Variants in UBE2E3 observed in about 807,000 individuals in gnomAD.
The protein encoded by UBE2E3 is ubiquitin conjugating enzyme E2 E3.
A neutral mutation model predicts 23.6 loss-of-function variants in UBE2E3; 5 were observed. The observed-to-expected ratio is 0.21, with a 90% confidence interval of 0.11 to 0.44. UBE2E3 has a LOEUF of 0.44. Ranked by LOEUF, UBE2E3 falls within the 20% of genes least tolerant of loss-of-function variation. UBE2E3 has a pLI of 0.99. For missense variants in UBE2E3, 81 were observed against 249.8 expected (o/e 0.32, Z 4.55); for synonymous variants, 78 against 87.5 (o/e 0.89, Z 0.60).
At chr2:181,061,863 T>C (rs1459216057) in intron 5 of UBE2E3, among the ~76,000 whole-genome samples, 2 of 151,580 alleles carry the variant, frequency 1.3e-5, no homozygotes, top group Non-Finnish European at 3.0e-5. Flanking sequence ...TCGGCAGAGA[T>C]ACATATGCAA....
chr2:181,061,017 A>G (rs1406787641), intron 5 of UBE2E3, among the ~76,000 whole-genome samples: 1 of 151,474 alleles, frequency 6.6e-6, no homozygotes, highest in East Asian at 2.0e-4. Context: ...ACCTTCATTT[A>G]ATTTGTTAAT....
chr2:181,053,564 T>C (rs1189087037), intron 3 of UBE2E3, among the ~76,000 whole-genome samples: 1 of 149,062 alleles, frequency 6.7e-6, no homozygotes, highest in East Asian at 2.0e-4. Context: ...TGGGCAGTTT[T>C]AGGTTCATAG....
At chr2:181,032,103 T>C (rs768044840) in intron 3 of UBE2E3, among the ~76,000 whole-genome samples, 2 of 152,210 alleles carry the variant, frequency 1.3e-5, no homozygotes, top group Non-Finnish European at 2.9e-5. Flanking sequence ...TTTCATTCCC[T>C]GAAGAAGCAA....
chr2:181,020,613 A>G (rs1055386752), intron 3 of UBE2E3, among the ~76,000 whole-genome samples: 2 of 152,160 alleles, frequency 1.3e-5, no homozygotes, highest in East Asian at 1.9e-4. Flanking sequence ...CGACTTTTCC[A>G]TCTGCTGAGC....
At chr2:181,028,034 G>T (rs1172783759) in intron 3 of UBE2E3, among the ~76,000 whole-genome samples, 1 of 151,936 alleles carries the variant, frequency 6.6e-6, no homozygotes, top group Non-Finnish European at 1.5e-5. Flanking sequence ...TCACCCAGAT[G>T]TGATCATTAT....
intron 5 of UBE2E3, among the ~76,000 whole-genome samples, chr2:181,062,396 A>G (rs1159720656): frequency 1.3e-5 from 2 of 151,692 alleles, no homozygotes; most frequent in African/African-American, 2.4e-5. Flanking sequence ...TTGAAATAGC[A>G]TGGTATTGTA....
At chr2:180,984,022 C>G (rs749782349) in intron 2 of UBE2E3, 21 bp from the exon 3 acceptor site, 69 of 1,601,132 alleles carry the variant, frequency 4.3e-5, no homozygotes, top group Non-Finnish European at 5.8e-5. Context: ...TCCTTTTTGT[C>G]TCTTCTCATT....
chr2:181,044,623 TAA>T (rs1686615320), intron 3 of UBE2E3, among the ~76,000 whole-genome samples: 1 of 152,176 alleles, frequency 6.6e-6, no homozygotes, highest in Non-Finnish European at 1.5e-5. Context: ...ATTTGTGACA[TAA>T]TTCCACTATT....
chr2:180,997,037 A>AT (rs896201675), intron 3 of UBE2E3, among the ~76,000 whole-genome samples: 146 of 147,200 alleles, frequency 9.9e-4, no homozygotes, highest in East Asian at 4.0e-3. Context: ...TTATTAATGA[A>AT]TTTTTTTTTT....
intron 3 of UBE2E3, among the ~76,000 whole-genome samples, chr2:181,042,444 G>T (rs977242535): frequency 6.6e-6 from 1 of 152,152 alleles, no homozygotes; most frequent in Non-Finnish European, 1.5e-5. Flanking sequence ...GTCCCTTTTG[G>T]AATTAGGGAA....
chr2:181,035,078 G>T (rs1574205711), intron 3 of UBE2E3, among the ~76,000 whole-genome samples: 1 of 152,020 alleles, frequency 6.6e-6, no homozygotes, highest in African/African-American at 2.4e-5. Context: ...TAAACTATTC[G>T]GATCACTTAG....
rs1687123903 is a variant in UBE2E3, at chr2:181,060,652, T to C, written c.379-13T>C. ...ATTCATTTTCCTTCTGTTTTTAATG[T>C]GACTGTGCTTAGGTTACTTTCCGCA... On this transcript the variant is annotated splice_polypyrimidine_tract_variant and intron_variant, in intron 4 of 5. Transcript: ENST00000410062. 6.3e-7 allele frequency: 1 copy of C among 1,583,724 alleles called. No individual in the cohort carries two copies. The highest frequency in any genetic ancestry group is 1.2e-5 in the South Asian group (1 of 86,438).
At chr2:181,035,030 C>T (rs937931808) in intron 3 of UBE2E3, among the ~76,000 whole-genome samples, 6 of 152,038 alleles carry the variant, frequency 3.9e-5, no homozygotes, top group Non-Finnish European at 5.9e-5. Context: ...GCAAAATCCG[C>T]CTTGGAAAAG....
chr2:181,007,492 G>T (rs1014167262), intron 3 of UBE2E3, among the ~76,000 whole-genome samples: 1 of 143,866 alleles, frequency 7.0e-6, no homozygotes, highest in African/African-American at 2.6e-5. Context: ...TGTGAACTAA[G>T]TATAATTGTT....
intron 3 of UBE2E3, among the ~76,000 whole-genome samples, chr2:181,035,559 G>A (rs6706552): frequency 0.042 from 6,357 of 152,176 alleles, 190 homozygotes; most frequent in African/African-American, 0.076. Flanking sequence ...AAGCTCATTA[G>A]TAATATATTA....
chr2:181,035,994 A>G (rs1686266154), intron 3 of UBE2E3, among the ~76,000 whole-genome samples: 2 of 152,242 alleles, frequency 1.3e-5, no homozygotes, highest in Non-Finnish European at 2.9e-5. Flanking sequence ...TTCTTCAAAC[A>G]GTAAAGTCAA....
chr2:181,060,733 T>G lies in UBE2E3; in HGVS notation c.447T>G (p.Leu149=), dbSNP rs1458679703. The change falls in exon 5 of 6, where the codon CTT becomes CTG. Residue 149 remains leucine (L), a synonymous_variant. Transcript: ENST00000410062. The part of the protein sequence containing the change: ...NSQGVICLDI[L]KDNWSPALTI... ...AGGGAGTCATCTGTCTGGACATCCTTAAAGACAACTGGAGTCCCGCTTTGA... is the reference window on the plus strand; with the variant it reads ...AGGGAGTCATCTGTCTGGACATCCTGAAAGACAACTGGAGTCCCGCTTTGA... The G allele has an allele frequency of 6.2e-7, 1 of 1,611,480 alleles. No homozygotes were observed. Among genetic ancestry groups the G allele is most frequent in the Admixed American group, 1.7e-5 (1 of 59,758 alleles).
intron 3 of UBE2E3, among the ~76,000 whole-genome samples, chr2:180,986,314 G>T (rs895794433): frequency 2.0e-5 from 3 of 152,058 alleles, no homozygotes; most frequent in African/African-American, 7.2e-5. Flanking sequence ...TTATTTGGAG[G>T]CAGTGTTTTA....
chr2:181,007,674 C>T (rs1423477593), intron 3 of UBE2E3, among the ~76,000 whole-genome samples: 2 of 152,034 alleles, frequency 1.3e-5, no homozygotes, highest in Non-Finnish European at 2.9e-5. Context: ...ATTCTTTCTG[C>T]CAAGACTGTG....
Sources: allele counts gnomAD v4.1 joint callset (sites outside exome capture counted in the v4.1 genomes callset), GRCh38; gene constraint gnomAD v4.1.1; transcripts MANE v1.5; gene names NCBI Gene and HGNC (gene_info 2026-07-23, HGNC 2026-07-21).